The following IGSF21 variants were observed in gnomAD, a reference collection of about 807,000 sequenced individuals.
IGSF21 encodes the protein immunoglobulin superfamily member 21.
In IGSF21, 28 loss-of-function variants were observed where a neutral mutation model predicts 46.8. The ratio of observed to expected loss-of-function variants is 0.60; its 90% CI spans 0.44 to 0.82. The LOEUF (loss-of-function observed/expected upper bound fraction) is 0.82. Among genes scored for constraint, IGSF21 ranks in the 40% least tolerant of loss-of-function variants. IGSF21 has a pLI of 0.00. For missense variants in IGSF21, 624 were observed against 665.5 expected (o/e 0.94, Z 0.69); for synonymous variants, 284 against 273.6 (o/e 1.04, Z -0.38).
intron 1 of IGSF21, among the ~76,000 whole-genome samples, chr1:18,136,860 T>C (rs2086372058): frequency 6.6e-6 from 1 of 152,222 alleles, no homozygotes; most frequent in South Asian, 2.1e-4. Context: ...TATGGCCATT[T>C]TCACGATATT....
chr1:18,223,997 T>A (rs1570354819), intron 1 of IGSF21, among the ~76,000 whole-genome samples: 1 of 152,190 alleles, frequency 6.6e-6, no homozygotes, highest in South Asian at 2.1e-4. Context: ...CCTGCCTCGG[T>A]TTACAGTGGT....
intron 2 of IGSF21, among the ~76,000 whole-genome samples, chr1:18,278,228 ATTTATTTATTTATTTATTTAT>A (rs1423525440): frequency 1.4e-5 from 2 of 146,360 alleles, no homozygotes; most frequent in African/African-American, 5.1e-5. Context: ...TTATTTATTT[ATTTATTTATTTATTTATTTAT>A]TTTATTTTGA....
At chr1:18,293,195 C>G (rs72934826) in intron 3 of IGSF21, among the ~76,000 whole-genome samples, 2,076 of 152,354 alleles carry the variant, frequency 0.014, 50 homozygotes, top group African/African-American at 0.045. Context: ...CTTCACCTTG[C>G]ATCCCCAGCT....
rs113966908 is a variant in IGSF21 at position 18,180,307 on chromosome 1, C to CTGAA, written c.71-47574_71-47571dup. 9.1e-3 allele frequency among the ~76,000 whole-genome samples: 1,386 copies of CTGAA among 152,236 alleles called. 21 individuals are homozygous for CTGAA. Among genetic ancestry groups the CTGAA allele is most frequent in the African/African-American group, 0.029 (1,224 of 41,540 alleles). ...TGCCATGCAGGGTGCTCAAAAAACC[C>CTGAA]TGAATGAATGAATGAATGAAACATG... On this transcript the variant is annotated intron_variant, in intron 1 of 9. Transcript: ENST00000251296.
intron 2 of IGSF21, among the ~76,000 whole-genome samples, chr1:18,246,708 A>G (rs374292606): frequency 7.9e-5 from 12 of 152,272 alleles, no homozygotes; most frequent in African/African-American, 2.9e-4. Context: ...GTTTGTGGCA[A>G]CCTGTCTAGC....
intron 1 of IGSF21, among the ~76,000 whole-genome samples, chr1:18,205,140 GGA>G (rs140828822): frequency 9.4e-5 from 14 of 149,564 alleles, no homozygotes; most frequent in East Asian, 3.9e-4. Flanking sequence ...GATAAGAAGG[GGA>G]GAGAGAGAGA....
chr1:18,227,736 C>A (rs1267254476), intron 1 of IGSF21, among the ~76,000 whole-genome samples, 162 bp from the exon 2 acceptor site: 1 of 152,044 alleles, frequency 6.6e-6, no homozygotes, highest in Non-Finnish European at 1.5e-5. Flanking sequence ...CCTGCAGTCA[C>A]CATTCACAGA....
At chr1:18,301,860 G>A (rs1569763943) in intron 3 of IGSF21, among the ~76,000 whole-genome samples, 1 of 152,218 alleles carries the variant, frequency 6.6e-6, no homozygotes, top group African/African-American at 2.4e-5. Context: ...CAGCCAGGGA[G>A]AGCAAGTGAT....
At chr1:18,263,834 T>G (rs2084967817) in intron 2 of IGSF21, among the ~76,000 whole-genome samples, 1 of 152,146 alleles carries the variant, frequency 6.6e-6, no homozygotes, top group African/African-American at 2.4e-5. Context: ...ACAAGAAAAT[T>G]TTCTCGTCTT....
chr1:18,291,029 A>G (rs992870905), intron 2 of IGSF21, among the ~76,000 whole-genome samples: 4 of 152,188 alleles, frequency 2.6e-5, no homozygotes, highest in African/African-American at 9.7e-5. Context: ...AAACAGATAA[A>G]TAATTGAAAC....
chr1:18,171,039 C>T (rs2086731699), intron 1 of IGSF21, among the ~76,000 whole-genome samples: 1 of 151,646 alleles, frequency 6.6e-6, no homozygotes, highest in Non-Finnish European at 1.5e-5. Flanking sequence ...GGGAGGCTGC[C>T]TGTGGAAGGA....
intron 1 of IGSF21, among the ~76,000 whole-genome samples, chr1:18,224,178 C>T (rs1192492512): frequency 1.2e-4 from 19 of 152,106 alleles, no homozygotes; most frequent in South Asian, 2.1e-4. Context: ...TCACTGTATT[C>T]GCTCCCATTC....
At chr1:18,243,197 T>C (rs1279270842) in intron 2 of IGSF21, among the ~76,000 whole-genome samples, 1 of 152,200 alleles carries the variant, frequency 6.6e-6, no homozygotes, top group Non-Finnish European at 1.5e-5. Context: ...GACCCCTCCC[T>C]AGAGATGTCT....
At chr1:18,341,099 TCCTCCTCCC>T (rs1462230506) in intron 4 of IGSF21, among the ~76,000 whole-genome samples, 1 of 147,956 alleles carries the variant, frequency 6.8e-6, no homozygotes, top group Non-Finnish European at 1.5e-5. Flanking sequence ...CTCCTCCTTC[TCCTCCTCCC>T]CCTCCTTCTC....
intron 4 of IGSF21, chr1:18,361,882 T>G (rs576435718): frequency 1.9e-6 from 1 of 524,104 alleles, no homozygotes. Context: ...GATTCCTGTG[T>G]GTCTTCTACA....
chr1:18,275,397 A>T (rs4083983), intron 2 of IGSF21, among the ~76,000 whole-genome samples: 36,523 of 151,902 alleles, frequency 0.24, 4,774 homozygotes, highest in African/African-American at 0.35. Flanking sequence ...CCGTCTCAGC[A>T]ATCCCGTCCC....
chr1:18,117,321 C>T (rs1293925862), intron 1 of IGSF21, among the ~76,000 whole-genome samples: 1 of 152,166 alleles, frequency 6.6e-6, no homozygotes. Context: ...AATGAGACTG[C>T]CCCAGCCTGA....
chr1:18,306,650 T>C (rs2085428758), intron 3 of IGSF21, among the ~76,000 whole-genome samples: 1 of 152,186 alleles, frequency 6.6e-6, no homozygotes, highest in Non-Finnish European at 1.5e-5. Context: ...GATAAGCGAA[T>C]TCCTGATCAG....
chr1:18,134,038 G>C (rs1382166431), intron 1 of IGSF21, among the ~76,000 whole-genome samples: 7 of 152,232 alleles, frequency 4.6e-5, no homozygotes, highest in Admixed American at 2.0e-4. Context: ...GCAGTGAGCA[G>C]CATGGGGAGG....
Sources: gnomAD v4.1 joint callset for allele counts (sites outside exome capture counted in the v4.1 genomes callset) on GRCh38, gnomAD v4.1.1 for gene constraint, MANE v1.5 for transcripts, NCBI Gene and HGNC (gene_info 2026-07-23, HGNC 2026-07-21) for gene names.